Variants in ARHGEF18 observed in about 807,000 individuals in gnomAD.
ARHGEF18 encodes the protein rho guanine nucleotide exchange factor 18.
In ARHGEF18, 93 loss-of-function variants were observed where a neutral mutation model predicts 155.7. The ratio of observed to expected loss-of-function variants is 0.60; its 90% CI spans 0.50 to 0.71. The LOEUF (loss-of-function observed/expected upper bound fraction) is 0.71. Ranked by LOEUF, ARHGEF18 falls within the 30% of genes least tolerant of loss-of-function variation. The pLI, the probability that ARHGEF18 is intolerant of heterozygous loss-of-function variation, is 0.00. For synonymous variants in ARHGEF18, 742 were observed against 753.1 expected (o/e 0.99, Z 0.24); for missense variants, 1,593 against 1,816.1 (o/e 0.88, Z 2.23).
intron 10 of ARHGEF18, among the ~76,000 whole-genome samples, chr19:7,396,316 C>T (rs1971706635): frequency 6.6e-6 from 1 of 152,172 alleles, no homozygotes; most frequent in Admixed American, 6.6e-5. Context: ...GGGCCCCATT[C>T]TCTTCCCATT....
intron 17 of ARHGEF18, 52 bp from the exon 18 acceptor site, chr19:7,456,275 A>G (rs1975820100): frequency 5.8e-6 from 9 of 1,555,230 alleles, no homozygotes; most frequent in Non-Finnish European, 2.7e-6. Context: ...GGCCAGCAAG[A>G]CCTCCTGGCT....
chr19:7,454,032 T>TA (rs1263157994), intron 17 of ARHGEF18, among the ~76,000 whole-genome samples: 1 of 150,488 alleles, frequency 6.6e-6, no homozygotes, highest in African/African-American at 2.5e-5. Flanking sequence ...GGTGCCCTCT[T>TA]AGAGTGATGG....
chr19:7,356,264 A>G (rs981288980), intron 1 of ARHGEF18, among the ~76,000 whole-genome samples: 2 of 144,690 alleles, frequency 1.4e-5, no homozygotes, highest in Admixed American at 6.8e-5. Context: ...AAAGAGAGAC[A>G]CTTTTTCTTT....
chr19:7,375,980 T>C lies in ARHGEF18; in HGVS notation c.426+110T>C, dbSNP rs1600225918. ...CAGGGCTGGTGGCGCTTACCCACCA[T>C]GGCAGGGTGGAGGCTGCTTATCTGT... On this transcript the variant is annotated intron_variant, in intron 4 of 28. Transcript: ENST00000668164. 11 of 1,167,300 alleles carry C rather than the reference T, an allele frequency of 9.4e-6. No homozygotes were observed. The East Asian group carries it at 3.5e-4, about 37-fold the overall frequency. The allele number at this position is 1,167,300 out of a possible 1,614,324, so 72.3% of individuals were successfully genotyped here. A position where few individuals can be genotyped will look rare whatever the true frequency, so the allele number is the denominator to read the frequency against.
chr19:7,371,234 G>T (rs1203947933), intron 2 of ARHGEF18, among the ~76,000 whole-genome samples: 1 of 152,150 alleles, frequency 6.6e-6, no homozygotes. Flanking sequence ...GTAGAAAGGT[G>T]GGTGCCAGGG....
intron 10 of ARHGEF18, among the ~76,000 whole-genome samples, chr19:7,408,208 G>A (rs1385181001): frequency 1.3e-5 from 2 of 152,038 alleles, no homozygotes; most frequent in Non-Finnish European, 2.9e-5. Context: ...AACTCGGGAG[G>A]TTGAAGTTGC....
Position 7,470,292 on chromosome 19 carries a change from C to T in ARHGEF18, c.4080C>T (p.Phe1360=), listed in dbSNP as rs745833242. The T allele has an allele frequency of 2.2e-5, 34 of 1,531,676 alleles. No homozygotes were observed. The Admixed American group carries it at 5.2e-4, about 24-fold the overall frequency. 94.9% of individuals were successfully genotyped at this position (1,531,676 alleles called of 1,614,324 possible). A position where few individuals can be genotyped will look rare whatever the true frequency, so the allele number is the denominator to read the frequency against. Residue 1360 remains phenylalanine, a synonymous_variant, in exon 29 of 29, where the codon TTC becomes TTT. Transcript: ENST00000668164. The surrounding 1 kb of genome is among the most constrained non-coding windows in gnomAD (Gnocchi z 5.9). ...ACGCCAGCAAAGAAGACGTCATCTT[C>T]TTCTAAAAGGGCCGTGACTCAAGGT... is the stretch of plus-strand genomic sequence containing the variant. The part of the protein sequence containing the change: ...KEDASKEDVI[F]F
chr19:7,365,581 A>G (rs1187248275), intron 2 of ARHGEF18, among the ~76,000 whole-genome samples: 1 of 152,146 alleles, frequency 6.6e-6, no homozygotes, highest in Non-Finnish European at 1.5e-5. Flanking sequence ...TGGACAGGTA[A>G]CACGGCAATG....
rs775826946 is a variant in ARHGEF18 at position 7,470,246 on chromosome 19, C to T, written c.4034C>T (p.Thr1345Ile). Residue 1345 changes from threonine to isoleucine, a missense_variant, in exon 29 of 29, where the codon ACA (threonine) becomes ATA (isoleucine). Coordinates refer to ENST00000668164, the MANE Select transcript of ARHGEF18 (RefSeq NM_001367823.1). The surrounding 1 kb of genome is among the most constrained non-coding windows in gnomAD (Gnocchi z 5.9). ...GPPAPSPLPATPLSAKEDASK... is the reference protein window; with the variant it reads ...GPPAPSPLPAIPLSAKEDASK... ...CCAGCTCCCTCGCCACTGCCGGCCA[C>T]ACCACTCAGCGCCAAGGAGGACGCC... 7 of 1,604,128 alleles carry T rather than the reference C, an allele frequency of 4.4e-6. No homozygotes were observed. In the South Asian group the frequency reaches 6.6e-5, roughly 15 times the overall value.
At chr19:7,420,859 G>A (rs907793383) in intron 10 of ARHGEF18, among the ~76,000 whole-genome samples, 13 of 152,214 alleles carry the variant, frequency 8.5e-5, no homozygotes, top group Admixed American at 5.9e-4. Flanking sequence ...AAACCTAAGA[G>A]TCTTAAGACT....
downstream of ARHGEF18, chr19:7,472,952 T>G (rs971803632): frequency 4.4e-6 from 2 of 455,468 alleles, no homozygotes; most frequent in African/African-American, 2.0e-5. Flanking sequence ...TCTGCCCGCC[T>G]CAGCCTCCCA....
At chr19:7,416,651 G>T (rs1973040383) in intron 10 of ARHGEF18, among the ~76,000 whole-genome samples, 2 of 141,806 alleles carry the variant, frequency 1.4e-5, no homozygotes, top group Non-Finnish European at 1.5e-5. Context: ...TGCCAAGCCT[G>T]GAGTGCAGTG....
intron 10 of ARHGEF18, among the ~76,000 whole-genome samples, chr19:7,434,103 C>T (rs929285023): frequency 1.3e-5 from 2 of 151,068 alleles, no homozygotes; most frequent in African/African-American, 2.4e-5. Flanking sequence ...ACACCTGTTA[C>T]GAAAGCTTTG....
downstream of ARHGEF18, among the ~76,000 whole-genome samples, chr19:7,474,754 A>AGTGCGTGTGTGTGTGT (rs796866599): frequency 1.4e-5 from 2 of 141,970 alleles, no homozygotes; most frequent in African/African-American, 5.5e-5. Context: ...TGGGCATTGG[A>AGTGCGTGTGTGTGTGT]GTGTGTGTGT....
At chr19:7,376,019 C>A in intron 4 of ARHGEF18, 149 bp downstream of exon 4, 1 of 923,012 alleles carries the variant, frequency 1.1e-6, no homozygotes, top group Non-Finnish European at 1.4e-6. Context: ...GTGGCCCGTG[C>A]CTCAGTTGTC....
chr19:7,445,185 A>G (rs750920518), intron 14 of ARHGEF18, among the ~76,000 whole-genome samples: 1 of 152,084 alleles, frequency 6.6e-6, no homozygotes, highest in African/African-American at 2.4e-5. Flanking sequence ...AGTGGCCCAC[A>G]CCTGTAATCC....
At chr19:7,408,426 A>G (rs7246111) in intron 10 of ARHGEF18, among the ~76,000 whole-genome samples, 20,042 of 151,912 alleles carry the variant, frequency 0.13, 2,670 homozygotes, top group African/African-American at 0.35. Flanking sequence ...TTACAAAAAC[A>G]GGTGGCCAGC....
intron 16 of ARHGEF18, 120 bp downstream of exon 16, chr19:7,451,386 G>A (rs2145835148): frequency 2.7e-6 from 2 of 744,772 alleles, no homozygotes; most frequent in Non-Finnish European, 2.1e-6. Flanking sequence ...CCAGTTTGCT[G>A]GGTGCTGGGG....
chr19:7,477,382 C>T (rs1419092192), downstream of ARHGEF18: 30 of 1,550,260 alleles, frequency 1.9e-5, no homozygotes, highest in African/African-American at 2.7e-5. Flanking sequence ...GAAGTGACAG[C>T]GCCTCCGACT....
Sources: gnomAD v4.1 joint callset for allele counts (sites outside exome capture counted in the v4.1 genomes callset) on GRCh38, gnomAD v4.1.1 for gene constraint, Gnocchi (gnomAD v3.1) non-coding constraint, MANE v1.5 for transcripts, NCBI Gene and HGNC (gene_info 2026-07-23, HGNC 2026-07-21) for gene names.